The following ROBO2 variants were observed in gnomAD, a reference collection of about 807,000 sequenced individuals.
ROBO2 encodes roundabout guidance receptor 2.
A neutral mutation model predicts 160.8 loss-of-function variants in ROBO2; 53 were observed. The ratio of observed to expected loss-of-function variants is 0.33; its 90% CI spans 0.26 to 0.41. The LOEUF (loss-of-function observed/expected upper bound fraction) is 0.41. Among genes scored for constraint, ROBO2 ranks in the 10% least tolerant of loss-of-function variants. ROBO2 has a pLI of 1.00. For missense variants in ROBO2, 1,577 were observed against 1,722.4 expected (o/e 0.92, Z 1.49); for synonymous variants, 664 against 611.7 (o/e 1.09, Z -1.26).
intron 2 of ROBO2, among the ~76,000 whole-genome samples, chr3:76,675,395 G>A (rs1435484854): frequency 6.6e-6 from 1 of 151,310 alleles, no homozygotes; most frequent in Admixed American, 6.6e-5. Flanking sequence ...TAGAGTTTTT[G>A]CTCCCTTTGA....
At chr3:77,429,951 A>G (rs2153540702) in intron 2 of ROBO2, among the ~76,000 whole-genome samples, 1 of 152,016 alleles carries the variant, frequency 6.6e-6, no homozygotes, top group East Asian at 1.9e-4. Context: ...CCCCTGGCCC[A>G]CTCTGCTGTG....
In ROBO2 at chr3:77,030,115, T is replaced by G. The variant is rs111420621; in HGVS notation, c.110-67899T>G. Among the ~76,000 whole-genome samples, 379 of 151,982 alleles carry G rather than the reference T, an allele frequency of 2.5e-3. 1 individual carries two copies. Among genetic ancestry groups the G allele is most frequent in the African/African-American group, 8.9e-3 (367 of 41,468 alleles). ...GCCCGCCACCACGCCCGGCTAATTTTCTGTATTTTTAGTAGAGACGGGGTT... is the reference window on the plus strand; with the variant it reads ...GCCCGCCACCACGCCCGGCTAATTTGCTGTATTTTTAGTAGAGACGGGGTT... On this transcript the variant is annotated intron_variant, in intron 2 of 26. Coordinates refer to the ROBO2 transcript ENST00000487694.
chr3:77,387,757 A>G (rs1340681619), intron 2 of ROBO2, among the ~76,000 whole-genome samples: 1 of 152,148 alleles, frequency 6.6e-6, no homozygotes, highest in African/African-American at 2.4e-5. Flanking sequence ...CTCTATGTTC[A>G]TCTTATCTTA....
At chr3:77,435,333 T>C (rs2079169429) in intron 2 of ROBO2, among the ~76,000 whole-genome samples, 1 of 151,974 alleles carries the variant, frequency 6.6e-6, no homozygotes, top group Non-Finnish European at 1.5e-5. Flanking sequence ...AGTACATTGA[T>C]GGAAAGTATT....
chr3:77,634,410 G>A (rs976424512), intron 23 of ROBO2: 2 of 185,462 alleles, frequency 1.1e-5, no homozygotes, highest in African/African-American at 4.8e-5. Context: ...ATTACTATAT[G>A]ACATTTTTCT....
At chr3:75,907,864 T>A (rs1029492402) in intron 1 of ROBO2, among the ~76,000 whole-genome samples, 1 of 55,640 alleles carries the variant, frequency 1.8e-5, no homozygotes, top group Non-Finnish European at 7.1e-5. Context: ...TGTGTGTGTG[T>A]GTGTGTGTGT....
chr3:76,980,521 G>T (rs4618252), intron 2 of ROBO2, among the ~76,000 whole-genome samples: 1,938 of 152,054 alleles, frequency 0.013, 42 homozygotes, highest in African/African-American at 0.044. Context: ...TTATATTAAT[G>T]GGATAACATC....
At chr3:77,297,986 G>T (rs573618439) in intron 2 of ROBO2, among the ~76,000 whole-genome samples, 2 of 152,262 alleles carry the variant, frequency 1.3e-5, no homozygotes, top group East Asian at 1.9e-4. Flanking sequence ...GCAGCTGAAT[G>T]AGTCCATCAG....
intron 2 of ROBO2, among the ~76,000 whole-genome samples, chr3:76,135,168 T>C (rs986148853): frequency 1.3e-5 from 2 of 151,996 alleles, no homozygotes; most frequent in Admixed American, 6.6e-5. Flanking sequence ...TTGCATCTCA[T>C]TGGCCAGAAC....
chr3:76,409,741 G>A (rs1285047671), intron 2 of ROBO2, among the ~76,000 whole-genome samples: 1 of 152,024 alleles, frequency 6.6e-6, no homozygotes, highest in Non-Finnish European at 1.5e-5. Context: ...ATTGTAAAAG[G>A]GGGATAGAAG....
intron 2 of ROBO2, among the ~76,000 whole-genome samples, chr3:77,382,350 T>TC (rs2073598695): frequency 7.3e-5 from 2 of 27,446 alleles, no homozygotes; most frequent in East Asian, 4.3e-3. Context: ...CATGTCCTTT[T>TC]TTTTTTTTTT....
intron 24 of ROBO2, among the ~76,000 whole-genome samples, chr3:77,637,875 CTAGTT>C (rs1469799655): frequency 1.3e-5 from 2 of 151,900 alleles, no homozygotes; most frequent in African/African-American, 2.4e-5. Flanking sequence ...AAGCTACCTC[CTAGTT>C]TAAAGTATGA....
At chr3:76,567,750 T>TATAC (rs1481191828) in intron 2 of ROBO2, among the ~76,000 whole-genome samples, 26 of 122,762 alleles carry the variant, frequency 2.1e-4, no homozygotes, top group Non-Finnish European at 4.2e-4. Flanking sequence ...GTTTTATATA[T>TATAC]ATATATATCT....
intron 2 of ROBO2, among the ~76,000 whole-genome samples, chr3:77,165,709 A>G (rs2079016469): frequency 6.6e-6 from 1 of 152,230 alleles, no homozygotes; most frequent in South Asian, 2.1e-4. Context: ...ATCCAGCTTG[A>G]TGAATTTTTG....
At chr3:77,036,395 A>G (rs746962711), upstream of ROBO2, among the ~76,000 whole-genome samples, 1 of 152,014 alleles carries the variant, frequency 6.6e-6, no homozygotes, top group Non-Finnish European at 1.5e-5. Context: ...TGAAAAGAGT[A>G]AAAAAGTGGA....
chr3:76,000,721 A>G (rs1300170156), intron 2 of ROBO2, among the ~76,000 whole-genome samples: 1 of 151,542 alleles, frequency 6.6e-6, no homozygotes, highest in Non-Finnish European at 1.5e-5. Flanking sequence ...CGATCTCCTG[A>G]CCTCATGATC....
chr3:76,323,761 T>A (rs2107923297), intron 2 of ROBO2, among the ~76,000 whole-genome samples: 1 of 152,326 alleles, frequency 6.6e-6, no homozygotes, highest in South Asian at 2.1e-4. Flanking sequence ...AAGTTCAAAT[T>A]AATTTTAAAC....
intron 6 of ROBO2, 97 bp downstream of exon 7, chr3:77,527,511 AC>A: frequency 3.1e-6 from 3 of 956,752 alleles, no homozygotes; most frequent in East Asian, 6.3e-5. Flanking sequence ...TATTTATTTT[AC>A]CCATGTTAAA....
chr3:76,678,394 A>G (rs9872430), intron 2 of ROBO2, among the ~76,000 whole-genome samples: 79,459 of 151,918 alleles, frequency 0.52, 21,316 homozygotes, highest in East Asian at 0.76. Flanking sequence ...TAATGGATTG[A>G]GATTTGCGCT....
Sources: allele counts gnomAD v4.1 joint callset (sites outside exome capture counted in the v4.1 genomes callset), GRCh38; gene constraint gnomAD v4.1.1; transcripts MANE v1.5; gene names NCBI Gene and HGNC (gene_info 2026-07-23, HGNC 2026-07-21).